SECISBP2: variants seen among roughly 807,000 people sequenced by gnomAD.
SECISBP2 encodes the protein selenocysteine insertion sequence-binding protein 2.
In SECISBP2, 96 loss-of-function variants were observed where a neutral mutation model predicts 98.2. The ratio of observed to expected loss-of-function variants is 0.98; its 90% confidence interval spans 0.83 to 1.16. The LOEUF (loss-of-function observed/expected upper bound fraction) is 1.16. SECISBP2 is among the 50% of genes most tolerant of loss of function. The pLI is 0.00. For synonymous variants in SECISBP2, 407 were observed against 370.2 expected (o/e 1.10, Z -1.14); for missense variants, 1,046 against 1,022.9 (o/e 1.02, Z -0.31).
chr9:89,332,884 A>G (rs967593756), intron 5 of SECISBP2, 24 bp from the exon 6 acceptor site: 2 of 1,572,566 alleles, frequency 1.3e-6, no homozygotes, highest in Non-Finnish European at 1.8e-6. Flanking sequence ...TTCTCTGATG[A>G]CATCTAATGT....
rs746484885 is a variant in SECISBP2 at position 89,358,024 on chromosome 9, T to C, written c.2294T>C (p.Leu765Pro). The C allele has an allele frequency of 6.2e-7, 1 of 1,613,366 alleles. No homozygotes were observed. The highest frequency in any genetic ancestry group is 8.5e-7 in the Non-Finnish European group (1 of 1,180,002). ...AQDQFHKMVE[L>P]TVAARQAYKT... ...GATCAGTTCCACAAGATGGTTGAGC[T>C]GACAGTGGCGGCCCGACAGGCGTAC... is the stretch of plus-strand genomic sequence containing the variant. Residue 765 changes from leucine (L) to proline (P), a missense_variant, in exon 16 of 17, where the codon CTG becomes CCG. Transcript: ENST00000375807.
chr9:89,361,989 T>G, downstream of SECISBP2: 1 of 281,046 alleles, frequency 3.6e-6, no homozygotes, highest in Non-Finnish European at 6.9e-6. Flanking sequence ...TATTAGGGGG[T>G]GGGGGCACTC....
chr9:89,350,047 A>G (rs747305775), intron 13 of SECISBP2, 118 bp downstream of exon 13: 39 of 1,248,584 alleles, frequency 3.1e-5, no homozygotes, highest in Non-Finnish European at 4.1e-5. Flanking sequence ...TAAAAACCTC[A>G]TGGTTGAAAG....
chr9:89,336,794 T>C (rs1828807981), intron 7 of SECISBP2, among the ~76,000 whole-genome samples: 1 of 115,350 alleles, frequency 8.7e-6, no homozygotes, highest in Non-Finnish European at 1.7e-5. Flanking sequence ...TTTTTTGAGA[T>C]GGAGTCTTGC....
rs541976907 is a variant in SECISBP2 at position 89,319,210 on chromosome 9, T to C, written c.37-442T>C. ...AAGACTTAGTGGTTCATGAGTAAAA[T>C]GCATATGCTTTTGTGCAACTTTTTC... On this transcript the variant is annotated intron_variant, in intron 1 of 16. Coordinates refer to ENST00000375807, the MANE Select transcript of SECISBP2 (RefSeq NM_024077.5). 1,346 of 325,288 alleles carry C rather than the reference T, an allele frequency of 4.1e-3. 8 individuals are homozygous for C. Among genetic ancestry groups the C allele is most frequent in the Non-Finnish European group, 5.3e-3 (1,100 of 208,796 alleles). 20.2% of individuals were successfully genotyped at this position (325,288 alleles called of 1,614,324 possible).
Position 89,334,678 on chromosome 9 carries a change from C to T in SECISBP2, c.1037C>T (p.Ser346Phe), listed in dbSNP as rs143343617. ...AGTATACCATCTTCTGAAGCTTTAT[C>T]TTCGGATCCTTCCTACAACAAAGAA... ...NVSIPSSEAL[S>F]SDPSYNKEKH... is the part of the protein sequence containing the mutation. Residue 346 changes from serine to phenylalanine, a missense_variant, in exon 7 of 17, where the codon TCT (serine) becomes TTT (phenylalanine). By Grantham distance (155) the Ser-to-Phe change is radical (BLOSUM62 -2). Transcript: ENST00000375807. 220 of 1,613,926 alleles carry T rather than the reference C, an allele frequency of 1.4e-4. 1 individual carries two copies. Among genetic ancestry groups the T allele is most frequent in the Non-Finnish European group, 1.6e-5 (19 of 1,179,968 alleles).
In SECISBP2 at chr9:89,332,140, T is replaced by A. The variant is rs190146823; in HGVS notation, c.802-768T>A. Among the ~76,000 whole-genome samples, 69 of 152,298 alleles carry A rather than the reference T, an allele frequency of 4.5e-4. No individual in the cohort carries two copies. The East Asian group carries it at 0.013, about 29-fold the overall frequency. ...TGGAAAGTAACTGCTTAGGCTTTTT[T>A]AAAAAAATAGATTTTATGTTCGAGA... On this transcript the variant is annotated intron_variant, in intron 5 of 16. Coordinates refer to ENST00000375807, the MANE Select transcript of SECISBP2 (RefSeq NM_024077.5).
intron 10 of SECISBP2, among the ~76,000 whole-genome samples, chr9:89,342,796 A>G (rs1400007413): frequency 6.6e-6 from 1 of 152,178 alleles, no homozygotes; most frequent in Non-Finnish European, 1.5e-5. Context: ...TAATGGGGAC[A>G]GAGTATTCAT....
intron 4 of SECISBP2, 142 bp from the exon 5 acceptor site, chr9:89,328,518 A>G: frequency 1.4e-6 from 1 of 695,314 alleles, no homozygotes; most frequent in Non-Finnish European, 2.6e-6. Flanking sequence ...GAAGGTGAAC[A>G]ACACCGGTAA....
In SECISBP2 at chr9:89,319,804, A is replaced by G. The variant is rs1378132562; in HGVS notation, c.182+7A>G. On this transcript the variant is annotated splice_region_variant and intron_variant, in intron 2 of 16. Coordinates refer to ENST00000375807, the MANE Select transcript of SECISBP2 (RefSeq NM_024077.5). ...AGGAACCACCAGTGACAGAGTATGT[A>G]TCTTTCTAAAAGTCTTACCTAGGGG... 9 of 1,613,788 alleles carry G rather than the reference A, an allele frequency of 5.6e-6. No homozygotes were observed. The highest frequency in any genetic ancestry group is 6.8e-6 in the Non-Finnish European group (8 of 1,179,890).
intron 4 of SECISBP2, among the ~76,000 whole-genome samples, chr9:89,328,283 G>A (rs1156273930): frequency 6.6e-6 from 1 of 152,172 alleles, no homozygotes; most frequent in African/African-American, 2.4e-5. Context: ...CACCACAAAC[G>A]TGAGTAATCG....
At chr9:89,345,744 T>G (rs1226098598) in intron 10 of SECISBP2, among the ~76,000 whole-genome samples, 3 of 152,116 alleles carry the variant, frequency 2.0e-5, no homozygotes, top group Non-Finnish European at 4.4e-5. Context: ...CTGAACTTGG[T>G]GGTGTCATTG....
In SECISBP2 at chr9:89,358,811, A is replaced by G. The variant is rs1450381678; in HGVS notation, c.2552A>G (p.Asn851Ser). ...SLEASTSQMM[N>S]LNL is the part of the protein sequence containing the mutation. ...GAGGCTTCAACCTCTCAAATGATGA[A>G]TTTGAATTTATGAGAGTTCTTGCCT... The change falls in exon 17 of 17, where the codon AAT (asparagine) becomes AGT (serine). Residue 851 changes from asparagine to serine, a missense_variant. Asn to Ser is a conservative substitution (Grantham distance 46). Coordinates refer to ENST00000375807, the MANE Select transcript of SECISBP2 (RefSeq NM_024077.5). 7.5e-6 allele frequency: 12 copies of G among 1,610,298 alleles called. No homozygotes were observed. Among genetic ancestry groups the G allele is most frequent in the Non-Finnish European group, 1.0e-5 (12 of 1,176,704 alleles).
At chr9:89,341,306 G>GTA (rs1251562323) in intron 9 of SECISBP2, 41 bp from the exon 10 acceptor site, 1 of 1,573,058 alleles carries the variant, frequency 6.4e-7, no homozygotes, top group African/African-American at 1.4e-5. Flanking sequence ...AGCACAGTTT[G>GTA]TATAGTTTTA....
chr9:89,364,184 T>C, downstream of SECISBP2: 1 of 779,734 alleles, frequency 1.3e-6, no homozygotes, highest in Non-Finnish European at 2.0e-6. Context: ...TTGCCATTTT[T>C]CAAAGCACAC....
intron 4 of SECISBP2, among the ~76,000 whole-genome samples, chr9:89,326,783 G>A (rs1826777673): frequency 6.6e-6 from 1 of 152,192 alleles, no homozygotes; most frequent in Admixed American, 6.5e-5. Context: ...GATATAGCCT[G>A]TTGTTCCTAG....
intron 5 of SECISBP2, chr9:89,329,715 T>C (rs34142815): frequency 0.36 from 55,134 of 151,598 alleles, 10,461 homozygotes; most frequent in Admixed American, 0.45. Flanking sequence ...CCACCTGCCT[T>C]GGCCTCCCAA....
In SECISBP2 at chr9:89,326,037, A is replaced by T. The variant is rs1245735828; in HGVS notation, c.573A>T (p.Ser191=). 1 of 1,612,240 alleles carries T rather than the reference A, an allele frequency of 6.2e-7. No individual in the cohort carries two copies. Among genetic ancestry groups the T allele is most frequent in the Non-Finnish European group, 8.5e-7 (1 of 1,180,000 alleles). The change falls in exon 4 of 17, where the codon TCA becomes TCT. Residue 191 remains serine (S), a splice_region_variant and synonymous_variant. Transcript: ENST00000375807. ...TTTACGCTGAGAATAGTTTGAAATC[A>T]GGTAAAAATAACCAACAATGTAGTA... The part of the protein sequence containing the change: ...LSIYAENSLK[S]DGYHKRTDRK...
In SECISBP2 at chr9:89,338,438, G is replaced by A; in HGVS notation, c.1090-20G>A. 6.2e-7 allele frequency: 1 copy of A among 1,611,476 alleles called. No homozygotes were observed. Among genetic ancestry groups the A allele is most frequent in the Non-Finnish European group, 8.5e-7 (1 of 1,179,450 alleles). ...GACCGCCCTAAAAACAGGATTTTTT[G>A]CTTTGATTTTCTGTTCTAGTCTAAA... On this transcript the variant is annotated intron_variant, in intron 7 of 16. Transcript: ENST00000375807.
Sources: allele counts gnomAD v4.1 joint callset (sites outside exome capture counted in the v4.1 genomes callset), GRCh38; gene constraint gnomAD v4.1.1; transcripts MANE v1.5; gene names NCBI Gene and HGNC (gene_info 2026-07-23, HGNC 2026-07-21).